Variants in SLCO1B1 observed in about 807,000 individuals in gnomAD.
SLCO1B1 encodes solute carrier organic anion transporter family member 1B1.
A neutral mutation model predicts 70.1 loss-of-function variants in SLCO1B1; 81 were observed. The ratio of observed to expected loss-of-function variants is 1.16; its 90% confidence interval spans 0.97 to 1.39. The LOEUF is 1.39. Among genes scored for constraint, SLCO1B1 ranks in the 40% most tolerant of loss-of-function variants. The pLI is 0.00. For missense variants in SLCO1B1, 895 were observed against 799.6 expected, an observed-to-expected ratio of 1.12 and a Z score of -1.44; for synonymous variants, 283 against 271.5, an observed-to-expected ratio of 1.04 and a Z score of -0.42.
chr12:21,148,164 T>C (rs984568054), intron 2 of SLCO1B1, among the ~76,000 whole-genome samples: 1 of 152,206 alleles, frequency 6.6e-6, no homozygotes, highest in African/African-American at 2.4e-5. Flanking sequence ...AGGTTGCCTG[T>C]TCACTCTGAT....
At chr12:21,144,616 A>G (rs2127301) in intron 2 of SLCO1B1, among the ~76,000 whole-genome samples, 88,271 of 151,830 alleles carry the variant, frequency 0.58, 27,334 homozygotes, top group South Asian at 0.78. Flanking sequence ...TAATCATCAG[A>G]TTCTCCAAGG....
At chr12:21,234,949 A>T (rs1941581370) in intron 14 of SLCO1B1, among the ~76,000 whole-genome samples, 1 of 152,076 alleles carries the variant, frequency 6.6e-6, no homozygotes. Flanking sequence ...ATTGTGACTT[A>T]TGACTTAGAA....
chr12:21,174,820 C>G, intron 4 of SLCO1B1, 111 bp downstream of exon 4: 1 of 1,018,136 alleles, frequency 9.8e-7, no homozygotes, highest in Non-Finnish European at 1.5e-6. Flanking sequence ...TGAGAAGATA[C>G]CCACTAAGTG....
chr12:21,132,957 T>A (rs1055416407), intron 1 of SLCO1B1, among the ~76,000 whole-genome samples: 7 of 152,176 alleles, frequency 4.6e-5, no homozygotes, highest in Middle Eastern at 6.8e-3. Context: ...AGGGTTTTTA[T>A]GGTTTTAGGT....
chr12:21,190,312 T>C (rs1941014992), intron 7 of SLCO1B1, among the ~76,000 whole-genome samples: 1 of 152,182 alleles, frequency 6.6e-6, no homozygotes, highest in South Asian at 2.1e-4. Context: ...GCATTATGTC[T>C]GTACTAAATA....
At chr12:21,149,032 A>T (rs1940430216) in intron 2 of SLCO1B1, among the ~76,000 whole-genome samples, 1 of 151,976 alleles carries the variant, frequency 6.6e-6, no homozygotes, top group Non-Finnish European at 1.5e-5. Context: ...TTTGTCTATT[A>T]TTGGTGTATA....
rs369017003 is a variant in SLCO1B1 at position 21,147,306 on chromosome 12, C to G, written c.84+5648C>G. Among the ~76,000 whole-genome samples the G allele has an allele frequency of 3.3e-5, 5 of 152,082 alleles. No homozygotes were observed. The South Asian group carries it at 1.0e-3, about 32-fold the overall frequency. On this transcript the variant is annotated intron_variant, in intron 2 of 14. Transcript: ENST00000256958. ...TTCTTTACTTTTTTAAAAAATTACA[C>G]TTTAAGTTCTGGGATACATGTGCAG...
intron 7 of SLCO1B1, among the ~76,000 whole-genome samples, chr12:21,192,660 T>C (rs144339251): frequency 5.3e-5 from 8 of 152,094 alleles, no homozygotes; most frequent in African/African-American, 1.9e-4. Flanking sequence ...TATAATTTTG[T>C]GAGGTGTAAA....
At position 21,174,513 on chromosome 12, in the gene SLCO1B1, G is replaced by A. The variant is rs1940794887; in HGVS notation, c.227-64G>A. 1.4e-5 allele frequency: 22 copies of A among 1,527,038 alleles called. No homozygotes were observed. In the South Asian group the frequency reaches 2.4e-4, roughly 17 times the overall value. The allele number at this position is 1,527,038 out of a possible 1,614,324, so 94.6% of individuals were successfully genotyped here. Reference sequence around the variant, plus strand: ...TGGACTCTATTTGCATCCATTCTGGGGTTTTCAATTCTAGACGCAAAATTG... The same window carrying A: ...TGGACTCTATTTGCATCCATTCTGGAGTTTTCAATTCTAGACGCAAAATTG... On this transcript the variant is annotated intron_variant, in intron 3 of 14. Coordinates refer to ENST00000256958, the MANE Select transcript of SLCO1B1 (RefSeq NM_006446.5).
At chr12:21,139,093 C>G (rs756497929) in intron 1 of SLCO1B1, among the ~76,000 whole-genome samples, 13 of 151,908 alleles carry the variant, frequency 8.6e-5, no homozygotes, top group Non-Finnish European at 1.6e-4. Context: ...TTCAAGACAT[C>G]AAGAATATTT....
At chr12:21,181,694 C>T (rs1940899703) in intron 7 of SLCO1B1, among the ~76,000 whole-genome samples, 1 of 152,014 alleles carries the variant, frequency 6.6e-6, no homozygotes, top group African/African-American at 2.4e-5. Context: ...ATGACATCTA[C>T]CTTCTTAACA....
At chr12:21,217,739 T>G (rs1941376449) in intron 12 of SLCO1B1, among the ~76,000 whole-genome samples, 1 of 152,118 alleles carries the variant, frequency 6.6e-6, no homozygotes, top group Non-Finnish European at 1.5e-5. Flanking sequence ...TTCCAAAACT[T>G]TTAATCGACT....
chr12:21,239,254 G>A lies in SLCO1B1; in HGVS notation c.*65G>A. On this transcript the variant is annotated 3_prime_UTR_variant, in exon 15 of 15. Coordinates refer to ENST00000256958, the MANE Select transcript of SLCO1B1 (RefSeq NM_006446.5). The stretch of plus-strand genomic sequence containing the variant: ...CAGCATTGCATTGATTCAGTAAGAT[G>A]TTATTTTTGAGGAGTTCCTGGTCCT... The A allele has an allele frequency of 8.5e-7, 1 of 1,174,828 alleles. No homozygotes were observed. The allele number at this position is 1,174,828 out of a possible 1,614,324, so 72.8% of individuals were successfully genotyped here. A position where few individuals can be genotyped will look rare whatever the true frequency, so the allele number is the denominator to read the frequency against.
At chr12:21,157,787 A>T (rs924452299) in intron 2 of SLCO1B1, among the ~76,000 whole-genome samples, 1 of 151,946 alleles carries the variant, frequency 6.6e-6, no homozygotes, top group African/African-American at 2.4e-5. Flanking sequence ...TTTTTAGTAG[A>T]GACGGGGTTT....
chr12:21,220,484 A>G (rs1003571820), intron 12 of SLCO1B1, among the ~76,000 whole-genome samples: 1 of 152,142 alleles, frequency 6.6e-6, no homozygotes, highest in African/African-American at 2.4e-5. Flanking sequence ...TATTCAAGCA[A>G]TCCCCCAAGG....
intron 7 of SLCO1B1, among the ~76,000 whole-genome samples, chr12:21,192,654 A>C (rs996981339): frequency 6.6e-6 from 1 of 151,080 alleles, no homozygotes; most frequent in Non-Finnish European, 1.5e-5. Flanking sequence ...TCTTTTTATA[A>C]TTTTGTGAGG....
At chr12:21,161,697 A>G (rs1270348464) in intron 2 of SLCO1B1, among the ~76,000 whole-genome samples, 1 of 152,174 alleles carries the variant, frequency 6.6e-6, no homozygotes, top group East Asian at 1.9e-4. Context: ...ACAACTTTAA[A>G]TTTAGTAATC....
At chr12:21,194,951 A>T (rs1941073894) in intron 7 of SLCO1B1, among the ~76,000 whole-genome samples, 1 of 152,186 alleles carries the variant, frequency 6.6e-6, no homozygotes, top group Non-Finnish European at 1.5e-5. Context: ...GGGGGAGGCA[A>T]GGTGCCACAC....
intron 7 of SLCO1B1, among the ~76,000 whole-genome samples, chr12:21,191,517 G>A (rs900652034): frequency 2.0e-5 from 3 of 151,720 alleles, no homozygotes; most frequent in African/African-American, 7.3e-5. Context: ...TCTAACAGGT[G>A]TGTGTGTGTG....
Sources: allele counts gnomAD v4.1 joint callset (sites outside exome capture counted in the v4.1 genomes callset), GRCh38; gene constraint gnomAD v4.1.1; transcripts MANE v1.5; gene names NCBI Gene and HGNC (gene_info 2026-07-23, HGNC 2026-07-21).